Variants in DNAJC10 observed in about 807,000 individuals in gnomAD.
The protein encoded by DNAJC10 is endoplasmic reticulum disulfide reductase DNAJC10.
DNAJC10 carries 101 observed loss-of-function variants against 115.0 expected under a neutral mutation model. The observed-to-expected ratio is 0.88, with a 90% confidence interval of 0.75 to 1.04. The LOEUF (loss-of-function observed/expected upper bound fraction) is 1.04, where lower values mean the gene tolerates loss of function less well. Among genes scored for constraint, DNAJC10 ranks in the 50% least tolerant of loss-of-function variants. The probability of loss-of-function intolerance (pLI) is 0.00; values close to 1 mark genes in which losing one functional copy is unlikely to be tolerated. For missense variants in DNAJC10, 981 were observed against 928.8 expected (o/e 1.06, Z -0.73); for synonymous variants, 307 against 301.5 (o/e 1.02, Z -0.19).
intron 5 of DNAJC10, among the ~76,000 whole-genome samples, chr2:182,725,583 G>A (rs1373281187): frequency 6.6e-5 from 10 of 152,120 alleles, no homozygotes; most frequent in Non-Finnish European, 1.3e-4. Context: ...TCCCCTTAGC[G>A]AAAGCCTAAC....
chr2:182,722,142 A>G, intron 5 of DNAJC10, 67 bp downstream of exon 5: 1 of 1,095,102 alleles, frequency 9.1e-7, no homozygotes, highest in South Asian at 1.5e-5. Context: ...ACTCTAGGGG[A>G]TATATATGTT....
rs186811016 is a variant in DNAJC10 at position 182,766,456 on chromosome 2, A to G, written c.2265+3655A>G. Among the ~76,000 whole-genome samples the G allele has an allele frequency of 1.1e-3, 172 of 152,316 alleles. 2 individuals are homozygous for G. The highest frequency in any genetic ancestry group is 4.8e-5 in the African/African-American group (2 of 41,566). ...GTGCAAGATTTAAATGAGTAATACT[A>G]TACACCATGTAAGCAGAATCACTAA... On this transcript the variant is annotated intron_variant, in intron 22 of 23. Transcript: ENST00000264065.
intron 14 of DNAJC10, among the ~76,000 whole-genome samples, chr2:182,751,141 T>TTTTTCC (rs1247589410): frequency 1.5e-5 from 2 of 135,934 alleles, no homozygotes; most frequent in Admixed American, 7.3e-5. Flanking sequence ...TTTTTTTTTT[T>TTTTTCC]TTTTTTTTTT....
intron 16 of DNAJC10, among the ~76,000 whole-genome samples, chr2:182,753,969 C>G (rs756548812): frequency 2.0e-5 from 3 of 152,138 alleles, no homozygotes; most frequent in Non-Finnish European, 2.9e-5. Context: ...TATCGATTTA[C>G]CTGGAATAGA....
chr2:182,728,460 A>G (rs1282960591), intron 5 of DNAJC10, 116 bp from the exon 6 acceptor site: 38 of 607,070 alleles, frequency 6.3e-5, no homozygotes, highest in Non-Finnish European at 1.0e-4. Flanking sequence ...TGAGAAAGAC[A>G]ATATGAAAAT....
At chr2:182,761,094 A>G (rs997112315) in intron 21 of DNAJC10, among the ~76,000 whole-genome samples, 2 of 152,160 alleles carry the variant, frequency 1.3e-5, no homozygotes, top group African/African-American at 4.8e-5. Flanking sequence ...ACATGAAAGA[A>G]AAGGAAGATG....
In DNAJC10 at chr2:182,757,799, A is replaced by C. The variant is rs751838283; in HGVS notation, c.1917A>C (p.Pro639=). 2 of 1,524,690 alleles carry C rather than the reference A, an allele frequency of 1.3e-6. No individual in the cohort carries two copies. The highest frequency in any genetic ancestry group is 1.8e-6 in the Non-Finnish European group (2 of 1,105,208). 94.4% of individuals were successfully genotyped at this position (1,524,690 alleles called of 1,614,324 possible). A position where few individuals can be genotyped will look rare whatever the true frequency, so the allele number is the denominator to read the frequency against. ...QRYPEIRFFP[P]KSNKAYHYHS... is the part of the protein sequence containing the mutation. The stretch of plus-strand genomic sequence containing the variant: ...ACCCTGAGATAAGATTTTTTCCCCC[A>C]AAATCAAATAAAGCTTATCATTATC... The change falls in exon 19 of 24, where the codon CCA becomes CCC. Residue 639 remains proline, a synonymous_variant. Coordinates refer to ENST00000264065, the MANE Select transcript of DNAJC10 (RefSeq NM_018981.4).
At chr2:182,767,671 G>C (rs142745420) in intron 22 of DNAJC10, among the ~76,000 whole-genome samples, 110 of 152,256 alleles carry the variant, frequency 7.2e-4, no homozygotes, top group African/African-American at 2.6e-3. Flanking sequence ...GGGCCGGTGA[G>C]GGGGTGGGGG....
intron 14 of DNAJC10, among the ~76,000 whole-genome samples, chr2:182,745,341 C>T (rs1693834244): frequency 6.6e-6 from 1 of 152,210 alleles, no homozygotes; most frequent in South Asian, 2.1e-4. Context: ...TTGTGAATGC[C>T]ATGTTCTTTC....
chr2:182,734,695 A>G (rs1470972486), intron 10 of DNAJC10, among the ~76,000 whole-genome samples: 6 of 151,564 alleles, frequency 4.0e-5, no homozygotes, highest in South Asian at 2.1e-4. Flanking sequence ...GGATATTTCT[A>G]TTTCCTTTGT....
At chr2:182,740,508 AAAGG>A in intron 12 of DNAJC10, 120 bp downstream of exon 12, 2 of 956,376 alleles carry the variant, frequency 2.1e-6, no homozygotes, top group Non-Finnish European at 2.9e-6. Context: ...TAGCAGTTTC[AAAGG>A]ATTATATATT....
At chr2:182,770,852 G>T (rs1694542572) in intron 22 of DNAJC10, among the ~76,000 whole-genome samples, 1 of 152,194 alleles carries the variant, frequency 6.6e-6, no homozygotes, top group Admixed American at 6.5e-5. Flanking sequence ...ATGTTGAATA[G>T]GAGTGGTGAG....
intron 14 of DNAJC10, among the ~76,000 whole-genome samples, chr2:182,747,424 T>A (rs1251303601): frequency 1.3e-5 from 2 of 149,566 alleles, no homozygotes; most frequent in Admixed American, 6.6e-5. Flanking sequence ...TGGTTTGTAG[T>A]TCTCCTTGAA....
At position 182,775,248 on chromosome 2, in the gene DNAJC10, A is replaced by G. The variant is rs565064190; in HGVS notation, c.2266-68A>G. ...AAGAACTTGAAAGCATATTTAATCA[A>G]GTTTCTTAGGTGGAAATGTTATGTT... On this transcript the variant is annotated intron_variant, in intron 22 of 23. Coordinates refer to ENST00000264065, the MANE Select transcript of DNAJC10 (RefSeq NM_018981.4). The G allele has an allele frequency of 4.0e-6, 4 of 1,004,466 alleles. No homozygotes were observed. In the East Asian group the frequency reaches 7.9e-5, roughly 20 times the overall value. The allele number at this position is 1,004,466 out of a possible 1,614,324, so 62.2% of individuals were successfully genotyped here.
Position 182,788,061 on chromosome 2 carries a change from G to T in DNAJC10, c.*10929G>T, listed in dbSNP as rs1399876814. On this transcript the variant is annotated 3_prime_UTR_variant, in exon 24 of 24. Transcript: ENST00000264065. ...AAATACTTGAAGAGCCACTATTTAA[G>T]ATAAATGAGAGTCCTTTCCAATTTG... 6.6e-6 allele frequency: 1 copy of T among 152,208 alleles called. No individual in the cohort carries two copies. The highest frequency in any genetic ancestry group is 1.5e-5 in the Non-Finnish European group (1 of 68,054). 9.4% of individuals were successfully genotyped at this position (152,208 alleles called of 1,614,324 possible). A position where few individuals can be genotyped will look rare whatever the true frequency, so the allele number is the denominator to read the frequency against.
At chr2:182,730,439 A>G (rs1693414299) in intron 8 of DNAJC10, 7 of 339,466 alleles carry the variant, frequency 2.1e-5, no homozygotes, top group South Asian at 1.4e-4. Context: ...GTGGGGCTGC[A>G]GTAATAAAAT....
intron 16 of DNAJC10, among the ~76,000 whole-genome samples, chr2:182,754,166 C>T (rs970899366): frequency 6.6e-6 from 1 of 152,184 alleles, no homozygotes; most frequent in African/African-American, 2.4e-5. Context: ...TAATGCTCAA[C>T]ACATAGTTAA....
chr2:182,743,350 GA>G (rs1574935073), intron 13 of DNAJC10, among the ~76,000 whole-genome samples: 1 of 151,978 alleles, frequency 6.6e-6, no homozygotes, highest in East Asian at 1.9e-4. Flanking sequence ...TAGGTTTCTG[GA>G]ATAACTTCAT....
At chr2:182,747,609 T>C (rs1693902296) in intron 14 of DNAJC10, among the ~76,000 whole-genome samples, 1 of 152,056 alleles carries the variant, frequency 6.6e-6, no homozygotes, top group Non-Finnish European at 1.5e-5. Flanking sequence ...AAGTTGTTTA[T>C]CAGCTTAAGG....
Sources: gnomAD v4.1 joint callset for allele counts (sites outside exome capture counted in the v4.1 genomes callset) on GRCh38, gnomAD v4.1.1 for gene constraint, MANE v1.5 for transcripts, NCBI Gene and HGNC (gene_info 2026-07-23, HGNC 2026-07-21) for gene names.